The following NDST4 variants were observed in gnomAD, a reference collection of about 807,000 sequenced individuals.
NDST4 encodes the protein N-heparan sulfate sulfotransferase 4.
In NDST4, 63 loss-of-function variants were observed where a neutral mutation model predicts 100.8. That is an observed-to-expected ratio of 0.62 (90% confidence interval 0.51 to 0.77). The LOEUF (loss-of-function observed/expected upper bound fraction) is 0.77. NDST4 is among the 30% of genes least tolerant of loss of function. The probability of loss-of-function intolerance (pLI) is 0.00; values close to 1 mark genes in which losing one functional copy is unlikely to be tolerated. For missense variants in NDST4, 943 were observed against 1,018.4 expected (o/e 0.93, Z 1.01); for synonymous variants, 377 against 361.8 (o/e 1.04, Z -0.48).
chr4:114,988,010 C>G (rs1726949995), intron 2 of NDST4, among the ~76,000 whole-genome samples: 1 of 152,292 alleles, frequency 6.6e-6, no homozygotes, highest in South Asian at 2.1e-4. Context: ...ATCACATTAA[C>G]TCTCTGCAAG....
intron 6 of NDST4, among the ~76,000 whole-genome samples, chr4:114,934,115 T>C (rs1021360290): frequency 6.6e-6 from 1 of 152,158 alleles, no homozygotes; most frequent in Non-Finnish European, 1.5e-5. Flanking sequence ...CATGAATTAA[T>C]AAATAAAATG....
chr4:115,039,953 T>C (rs1045569218), intron 2 of NDST4, among the ~76,000 whole-genome samples: 2 of 152,046 alleles, frequency 1.3e-5, no homozygotes, highest in Non-Finnish European at 2.9e-5. Context: ...AATACTAACA[T>C]GTAAGTGGTG....
chr4:115,063,724 T>C (rs966252593), intron 2 of NDST4, among the ~76,000 whole-genome samples: 3 of 151,920 alleles, frequency 2.0e-5, no homozygotes, highest in Non-Finnish European at 4.4e-5. Flanking sequence ...AATATCCCAG[T>C]GGACTTCCCC....
intron 2 of NDST4, among the ~76,000 whole-genome samples, chr4:115,016,146 G>T (rs191953357): frequency 1.3e-5 from 2 of 152,094 alleles, no homozygotes; most frequent in African/African-American, 4.8e-5. Flanking sequence ...TGCAGTAATG[G>T]GATTTTCGTG....
chr4:114,959,802 T>C (rs1726220160), intron 4 of NDST4, among the ~76,000 whole-genome samples: 1 of 152,170 alleles, frequency 6.6e-6, no homozygotes, highest in South Asian at 2.1e-4. Context: ...GGGACACTAT[T>C]AAATGTACCA....
chr4:114,983,065 G>C (rs1161462832), intron 2 of NDST4, among the ~76,000 whole-genome samples: 1 of 152,172 alleles, frequency 6.6e-6, no homozygotes, highest in Non-Finnish European at 1.5e-5. Context: ...GATTTCAGAG[G>C]ATGTATTGAA....
intron 7 of NDST4, among the ~76,000 whole-genome samples, chr4:114,866,414 C>T (rs1724027028): frequency 6.6e-6 from 1 of 152,200 alleles, no homozygotes; most frequent in Admixed American, 6.5e-5. Context: ...CTATCAAATT[C>T]AAATTACAGT....
At chr4:114,929,257 T>G (rs762823899) in intron 6 of NDST4, among the ~76,000 whole-genome samples, 6 of 152,072 alleles carry the variant, frequency 3.9e-5, no homozygotes, top group Non-Finnish European at 7.4e-5. Context: ...AAGCTCCATT[T>G]GGCCTGGGCT....
At chr4:114,839,576 T>G (rs1171885095) in intron 10 of NDST4, 28 bp from the exon 11 acceptor site, 11 of 1,609,250 alleles carry the variant, frequency 6.8e-6, no homozygotes, top group African/African-American at 2.7e-5. Flanking sequence ...ATTGTAAAGT[T>G]AGATTTTTTT....
chr4:114,943,710 G>A (rs1472148583), intron 4 of NDST4, among the ~76,000 whole-genome samples: 3 of 152,268 alleles, frequency 2.0e-5, no homozygotes, highest in African/African-American at 7.2e-5. Flanking sequence ...TCTGGAGACT[G>A]GTTGGCTGGA....
At chr4:114,948,895 GAGAAA>G (rs1725928217) in intron 4 of NDST4, among the ~76,000 whole-genome samples, 1 of 151,976 alleles carries the variant, frequency 6.6e-6, no homozygotes, top group Non-Finnish European at 1.5e-5. Flanking sequence ...AAATGCAAAA[GAGAAA>G]AGAAAAGAGG....
intron 6 of NDST4, among the ~76,000 whole-genome samples, chr4:114,934,341 G>T (rs1187831196): frequency 6.6e-6 from 1 of 152,038 alleles, no homozygotes; most frequent in Non-Finnish European, 1.5e-5. Flanking sequence ...CACGAGGTCA[G>T]GAGATCGAGA....
At chr4:114,894,698 T>C (rs761333109) in intron 6 of NDST4, among the ~76,000 whole-genome samples, 4 of 152,322 alleles carry the variant, frequency 2.6e-5, no homozygotes, top group Non-Finnish European at 5.9e-5. Context: ...AGAGACAACC[T>C]GACTTCCTCT....
In NDST4 at chr4:114,935,324, C is replaced by T. The variant is rs1047405343; in HGVS notation, c.1418G>A (p.Arg473Gln). 8.1e-6 allele frequency: 13 copies of T among 1,599,794 alleles called. No homozygotes were observed. The highest frequency in any genetic ancestry group is 2.3e-5 in the South Asian group (2 of 88,484). The change falls in exon 6 of 14, where the codon CGA (arginine) becomes CAA (glutamine). Residue 473 changes from arginine to glutamine, a missense_variant. By Grantham distance (43) the Arg-to-Gln change is conservative. Around this residue, in one of 2 missense-constraint regions of NDST4, gnomAD observed 526 missense variants for 634.1 expected, o/e 0.83. Coordinates refer to ENST00000264363, the MANE Select transcript of NDST4 (RefSeq NM_022569.3). Reference protein sequence around the residue: ...FIHNSIMVLPRQTCGLFTHTI... With the variant: ...FIHNSIMVLPQQTCGLFTHTI... ...GTGAGTGAACAACCCACAAGTCTGT[C>T]GAGGGAGGACCTGAGTAAAAAAGGG...
At chr4:115,055,985 A>G (rs909366631) in intron 2 of NDST4, among the ~76,000 whole-genome samples, 4 of 152,162 alleles carry the variant, frequency 2.6e-5, no homozygotes, top group African/African-American at 9.7e-5. Flanking sequence ...AACTTGTAAA[A>G]TGTTCAAATT....
chr4:114,937,496 C>T lies in NDST4; in HGVS notation c.1229G>A (p.Gly410Glu), dbSNP rs1725655693. 6 of 1,556,490 alleles carry T rather than the reference C, an allele frequency of 3.9e-6. No individual in the cohort carries two copies. Among genetic ancestry groups the T allele is most frequent in the African/African-American group, 2.7e-5 (2 of 72,796 alleles). Residue 410 changes from glycine (G) to glutamate (E), a missense_variant, in exon 5 of 14, where the codon GGA (glycine) becomes GAA (glutamate). Gly to Glu is a moderately conservative substitution (Grantham distance 98). Transcript: ENST00000264363. ...ILNKEFALEH[G>E]IPINMGYAVA... ...AGCATAGCCCATGTTGATTGGTATT[C>T]CATGTTCCTAAAACAAAGCCAGAAC... is the stretch of plus-strand genomic sequence containing the variant.
At chr4:115,087,529 G>A (rs1036709173) in intron 1 of NDST4, among the ~76,000 whole-genome samples, 2 of 151,444 alleles carry the variant, frequency 1.3e-5, no homozygotes, top group Non-Finnish European at 2.9e-5. Context: ...TTCCTTGACA[G>A]TGGATGGTTT....
intron 4 of NDST4, among the ~76,000 whole-genome samples, chr4:114,952,739 T>TA (rs1412903946): frequency 6.6e-6 from 1 of 152,096 alleles, no homozygotes; most frequent in Non-Finnish European, 1.5e-5. Context: ...GTAAAATGGG[T>TA]AAAAACCTTA....
At chr4:114,866,638 T>A (rs61344114) in intron 7 of NDST4, among the ~76,000 whole-genome samples, 11,753 of 152,168 alleles carry the variant, frequency 0.077, 521 homozygotes, top group East Asian at 0.13. Flanking sequence ...CCAAACAAAG[T>A]CTCATTCTTT....
Sources: gnomAD v4.1 joint callset for allele counts (sites outside exome capture counted in the v4.1 genomes callset) on GRCh38, gnomAD v4.1.1 for gene constraint, gnomAD v4.1.1 regional missense constraint, MANE v1.5 for transcripts, NCBI Gene and HGNC (gene_info 2026-07-23, HGNC 2026-07-21) for gene names.